CHLSN: variants seen among roughly 807,000 people sequenced by gnomAD.
CHLSN encodes the protein protein cholesin.
the CHLSN span, among the ~76,000 whole-genome samples, chr7:1,000,174 G>A: frequency 1.3e-5 from 2 of 152,134 alleles, no homozygotes; most frequent in East Asian, 1.9e-4. Flanking sequence ...CCCTGCAGTG[G>A]GGCCCTGAGG....
the CHLSN span, among the ~76,000 whole-genome samples, chr7:1,116,408 T>G: frequency 5.0e-4 from 67 of 133,378 alleles, no homozygotes; most frequent in Non-Finnish European, 7.2e-4. Flanking sequence ...GATGATGACA[T>G]GACTGCAGCT....
chr7:1,058,332 C>T, the CHLSN span: 2 of 777,902 alleles, frequency 2.6e-6, no homozygotes, highest in Non-Finnish European at 4.8e-6. Context: ...CTACCTGGGG[C>T]TACTGCACTT....
At chr7:1,028,716 CTCCCCCAATCT>C in the CHLSN span, 4 of 686,114 alleles carry the variant, frequency 5.8e-6, no homozygotes, top group Non-Finnish European at 7.0e-6. Context: ...ATCCTCTCAT[CTCCCCCAATCT>C]GCCCCCATAG....
At chr7:980,618 C>T in the CHLSN span, among the ~76,000 whole-genome samples, 10 of 152,198 alleles carry the variant, frequency 6.6e-5, no homozygotes, top group African/African-American at 2.2e-4. Flanking sequence ...CGGCCATGCC[C>T]CCCAGAGCAA....
At chr7:1,116,483 A>T in the CHLSN span, among the ~76,000 whole-genome samples, 3 of 76,586 alleles carry the variant, frequency 3.9e-5, no homozygotes, top group Admixed American at 4.1e-4. Flanking sequence ...TTCTAGGACC[A>T]GCTTCCATCA....
At chr7:1,009,963 C>A in the CHLSN span, 10 of 1,560,696 alleles carry the variant, frequency 6.4e-6, no homozygotes, top group Admixed American at 1.9e-4. Flanking sequence ...CAGAGGTAGT[C>A]CAGGGCCAGT....
chr7:1,130,243 T>C, the CHLSN span, among the ~76,000 whole-genome samples: 62 of 152,260 alleles, frequency 4.1e-4, no homozygotes, highest in African/African-American at 1.5e-3. Context: ...GTGTCCTTTG[T>C]GGACTGTGTG....
the CHLSN span, among the ~76,000 whole-genome samples, chr7:1,032,366 G>A: frequency 2.0e-5 from 3 of 152,354 alleles, no homozygotes; most frequent in Admixed American, 6.5e-5. Context: ...AATCACTTTC[G>A]TGGCATCACG....
chr7:1,134,990 C>A, the CHLSN span, among the ~76,000 whole-genome samples: 12 of 152,212 alleles, frequency 7.9e-5, no homozygotes, highest in Non-Finnish European at 1.6e-4. Context: ...CACAATGACA[C>A]CCACGTGGCT....
At chr7:1,075,608 CTTT>C in the CHLSN span, among the ~76,000 whole-genome samples, 7 of 136,330 alleles carry the variant, frequency 5.1e-5, no homozygotes, top group Admixed American at 7.2e-5. Context: ...AATCGGGTCA[CTTT>C]TTTTTTTTTT....
the CHLSN span, chr7:989,288 C>T: frequency 5.9e-6 from 1 of 169,472 alleles, no homozygotes; most frequent in African/African-American, 2.4e-5. Flanking sequence ...GCTCCTGGAA[C>T]ACTTCCTGCA....
chr7:1,056,503 A>G, the CHLSN span: 17,476 of 152,536 alleles, frequency 0.11, 1,224 homozygotes, highest in Middle Eastern at 0.25. Context: ...CTGCATGCCT[A>G]GCCACAGGGC....
the CHLSN span, among the ~76,000 whole-genome samples, chr7:1,072,288 TGAG>T: frequency 6.6e-6 from 1 of 152,256 alleles, no homozygotes; most frequent in African/African-American, 2.4e-5. Flanking sequence ...GCCCGTGTGC[TGAG>T]GAGGGCACGG....
chr7:984,605 C>T, the CHLSN span: 25 of 1,546,772 alleles, frequency 1.6e-5, 1 homozygote, highest in South Asian at 2.4e-5. Flanking sequence ...ACGGGGCCTA[C>T]TGGGTGTGGG....
chr7:1,028,191 G>A, the CHLSN span: 4 of 979,266 alleles, frequency 4.1e-6, no homozygotes, highest in South Asian at 3.8e-5. Flanking sequence ...GCGGGGCGGG[G>A]CTGGGGCAGG....
At chr7:1,034,055 A>G in the CHLSN span, among the ~76,000 whole-genome samples, 1 of 152,248 alleles carries the variant, frequency 6.6e-6, no homozygotes, top group African/African-American at 2.4e-5. Flanking sequence ...ATCTCAGAGA[A>G]TCTACGAAAT....
chr7:1,051,395 G>A, the CHLSN span, among the ~76,000 whole-genome samples: 1 of 152,258 alleles, frequency 6.6e-6, no homozygotes, highest in African/African-American at 2.4e-5. Flanking sequence ...GGGTGCAGCA[G>A]TTTCCCGCAC....
the CHLSN span, among the ~76,000 whole-genome samples, chr7:1,070,994 ACACGTG>A: frequency 1.3e-5 from 2 of 151,260 alleles, no homozygotes; most frequent in Non-Finnish European, 3.0e-5. Flanking sequence ...GGGCACACAC[ACACGTG>A]CACACGCACA....
the CHLSN span, among the ~76,000 whole-genome samples, chr7:1,050,971 G>A: frequency 2.0e-5 from 3 of 152,232 alleles, no homozygotes; most frequent in African/African-American, 7.2e-5. Context: ...GTCAGAGAGG[G>A]GGATGGACAG....
Sources: gnomAD v4.1 joint callset for allele counts (sites outside exome capture counted in the v4.1 genomes callset) on GRCh38, gnomAD v4.1.1 for gene constraint, MANE v1.5 for transcripts, NCBI Gene and HGNC (gene_info 2026-07-23, HGNC 2026-07-21) for gene names.